DLG1: variants seen among roughly 807,000 people sequenced by gnomAD.
The protein encoded by DLG1 is disks large homolog 1.
In DLG1, 42 loss-of-function variants were observed where a neutral mutation model predicts 123.4. The observed-to-expected ratio is 0.34, with a 90% CI of 0.27 to 0.44. The LOEUF is 0.44. DLG1 is among the 20% of genes least tolerant of loss of function. The probability of loss-of-function intolerance (pLI) is 1.00; values close to 1 mark genes in which losing one functional copy is unlikely to be tolerated. For missense variants in DLG1, 942 were observed against 1,082.6 expected (o/e 0.87, Z 1.82); for synonymous variants, 317 against 356.2 (o/e 0.89, Z 1.24).
At chr3:197,214,600 A>G (rs1289597397) in intron 4 of DLG1, among the ~76,000 whole-genome samples, 5 of 152,090 alleles carry the variant, frequency 3.3e-5, no homozygotes. Flanking sequence ...ACTCGGAAAC[A>G]AAAAAGACTA....
intron 13 of DLG1, among the ~76,000 whole-genome samples, chr3:197,109,755 G>C (rs1275392872): frequency 6.6e-6 from 1 of 152,130 alleles, no homozygotes; most frequent in Non-Finnish European, 1.5e-5. Context: ...TCAAAAGATA[G>C]TTTTGCTGGA....
intron 3 of DLG1, among the ~76,000 whole-genome samples, chr3:197,289,341 T>TGCGCATACACAC (rs150704162): frequency 2.3e-4 from 34 of 150,396 alleles, no homozygotes; most frequent in Non-Finnish European, 4.4e-5. Flanking sequence ...TACACGCGCA[T>TGCGCATACACAC]ACACACACAC....
At chr3:197,257,293 C>G (rs1757309017) in intron 4 of DLG1, among the ~76,000 whole-genome samples, 1 of 151,932 alleles carries the variant, frequency 6.6e-6, no homozygotes, top group African/African-American at 2.4e-5. Flanking sequence ...ACTGATAAAC[C>G]AAAACAATTC....
At chr3:197,239,859 A>C (rs1747968144) in intron 4 of DLG1, among the ~76,000 whole-genome samples, 1 of 151,860 alleles carries the variant, frequency 6.6e-6, no homozygotes, top group African/African-American at 2.4e-5. Context: ...AAAAAAAAAG[A>C]ATTCTAGCAG....
At chr3:197,177,675 CTG>C (rs1276297157) in intron 5 of DLG1, among the ~76,000 whole-genome samples, 1 of 152,038 alleles carries the variant, frequency 6.6e-6, no homozygotes, top group Non-Finnish European at 1.5e-5. Context: ...CTTGGGAAGT[CTG>C]TATTTATGCC....
chr3:197,048,838 A>G (rs1269811513), intron 24 of DLG1, among the ~76,000 whole-genome samples: 1 of 152,004 alleles, frequency 6.6e-6, no homozygotes, highest in East Asian at 1.9e-4. Flanking sequence ...TATTTTTAGT[A>G]GAGAAAAGGG....
At chr3:197,189,522 A>C (rs951521304) in intron 5 of DLG1, among the ~76,000 whole-genome samples, 3 of 152,222 alleles carry the variant, frequency 2.0e-5, no homozygotes, top group African/African-American at 7.2e-5. Flanking sequence ...TATGAATCAG[A>C]CAGCCAGCAA....
At position 197,242,514 on chromosome 3, in the gene DLG1, C is replaced by T. The variant is rs141020740; in HGVS notation, c.318+40165G>A. 3.3e-3 allele frequency among the ~76,000 whole-genome samples: 501 copies of T among 151,568 alleles called. 4 individuals are homozygous for T. The highest frequency in any genetic ancestry group is 0.024 in the South Asian group (114 of 4,804). On this transcript the variant is annotated intron_variant, in intron 4 of 24. Transcript: ENST00000667157. ...TCTTTTTATCAGCACATAAAACATGCTCCAGAATGGACCATTATCATAGGC... is the reference window on the plus strand; with the variant it reads ...TCTTTTTATCAGCACATAAAACATGTTCCAGAATGGACCATTATCATAGGC...
chr3:197,052,716 A>G (rs1728757795), intron 23 of DLG1, among the ~76,000 whole-genome samples: 1 of 152,200 alleles, frequency 6.6e-6, no homozygotes, highest in Non-Finnish European at 1.5e-5. Flanking sequence ...CACCATGAGA[A>G]GGTAATCAGA....
At chr3:197,154,068 T>C (rs575490074) in intron 5 of DLG1, among the ~76,000 whole-genome samples, 11 of 152,064 alleles carry the variant, frequency 7.2e-5, no homozygotes, top group Non-Finnish European at 1.5e-4. Flanking sequence ...TTTGGGAGGC[T>C]GAGGCGGGCA....
rs564650721 is a variant in DLG1, at chr3:197,060,019, A to C, written c.2374-21T>G. The C allele has an allele frequency of 7.0e-6, 11 of 1,569,172 alleles. No homozygotes were observed. The Admixed American group carries it at 7.1e-5, about 10-fold the overall frequency. ...TTGCCCTAAAATAAAGGGAACAAAG[A>C]AAAAAAACAAGTGAGCCAAATATTC... On this transcript the variant is annotated intron_variant, in intron 22 of 24. Transcript: ENST00000667157.
chr3:197,124,232 G>C (rs1415229258), intron 11 of DLG1, among the ~76,000 whole-genome samples: 1 of 152,154 alleles, frequency 6.6e-6, no homozygotes, highest in Non-Finnish European at 1.5e-5. Context: ...TCCTGTCTCA[G>C]GTAAAAGAAT....
chr3:197,056,366 G>C (rs1432865664), intron 23 of DLG1, among the ~76,000 whole-genome samples: 2 of 152,152 alleles, frequency 1.3e-5, no homozygotes, highest in African/African-American at 4.8e-5. Context: ...GATTCAATTT[G>C]CTCCTATTTT....
In DLG1 at chr3:197,122,947, A is replaced by C. The variant is rs561284340; in HGVS notation, c.1166-3417T>G. ...TTACATCAATATTTATTATAAAATTATGATAATTAAGAGACTGCAGGTGGT... is the reference window on the plus strand; with the variant it reads ...TTACATCAATATTTATTATAAAATTCTGATAATTAAGAGACTGCAGGTGGT... On this transcript the variant is annotated intron_variant, in intron 11 of 24. Transcript: ENST00000667157. Among the ~76,000 whole-genome samples the C allele has an allele frequency of 5.9e-5, 9 of 152,250 alleles. No homozygotes were observed. The South Asian group carries it at 1.9e-3, about 32-fold the overall frequency.
chr3:197,196,619 T>G (rs1561394456), intron 4 of DLG1, among the ~76,000 whole-genome samples: 1 of 152,222 alleles, frequency 6.6e-6, no homozygotes, highest in African/African-American at 2.4e-5. Flanking sequence ...CAGTTTGGAA[T>G]TTTAAAAAAC....
intron 4 of DLG1, among the ~76,000 whole-genome samples, chr3:197,249,374 T>C (rs1169706120): frequency 6.6e-6 from 1 of 152,062 alleles, no homozygotes; most frequent in Admixed American, 6.5e-5. Flanking sequence ...AATAAGCTGA[T>C]AACAAGTAAT....
intron 4 of DLG1, among the ~76,000 whole-genome samples, chr3:197,265,866 A>C (rs1229763667): frequency 6.6e-6 from 1 of 152,206 alleles, no homozygotes; most frequent in Non-Finnish European, 1.5e-5. Context: ...CCTGACCAAC[A>C]TGGTGAAACC....
chr3:197,245,093 T>C (rs1455203212), intron 4 of DLG1, among the ~76,000 whole-genome samples: 2 of 152,122 alleles, frequency 1.3e-5, no homozygotes, highest in East Asian at 3.9e-4. Flanking sequence ...TAAAACTAAT[T>C]TGGTTAGATG....
At chr3:197,150,667 A>G (rs1346851139) in intron 5 of DLG1, among the ~76,000 whole-genome samples, 1 of 152,104 alleles carries the variant, frequency 6.6e-6, no homozygotes. Flanking sequence ...GTTCTACTTC[A>G]ATTACCTGAG....
Sources: allele counts gnomAD v4.1 joint callset (sites outside exome capture counted in the v4.1 genomes callset), GRCh38; gene constraint gnomAD v4.1.1; transcripts MANE v1.5; gene names NCBI Gene and HGNC (gene_info 2026-07-23, HGNC 2026-07-21).